Variants in NUDT1 observed in about 807,000 individuals in gnomAD.
NUDT1 encodes the protein nudix hydrolase 1.
NUDT1 carries 16 observed loss-of-function variants against 11.3 expected under a neutral mutation model. The observed-to-expected ratio is 1.41, with a 90% confidence interval of 0.96 to 2.15. NUDT1 has a LOEUF of 2.15. Among genes scored for constraint, NUDT1 ranks in the 30% most tolerant of loss-of-function variants. The pLI is 0.00. For missense variants in NUDT1, 234 were observed against 208.4 expected, an observed-to-expected ratio of 1.12 and a Z score of -0.76; for synonymous variants, 101 against 84.4, an observed-to-expected ratio of 1.20 and a Z score of -1.08.
In NUDT1 at chr7:2,249,895, T is replaced by C; in HGVS notation, c.191T>C (p.Leu64Pro). 2 of 1,614,108 alleles carry C rather than the reference T, an allele frequency of 1.2e-6. No individual in the cohort carries two copies. Among genetic ancestry groups the C allele is most frequent in the Non-Finnish European group, 1.7e-6 (2 of 1,180,016 alleles). ...QEESGLTVDA[L>P]HKVGQIVFEF... ...GAGAGCGGTCTGACAGTGGACGCCCTGCACAAGGTGGGCCAGATCGTGTTT... is the reference window on the plus strand; with the variant it reads ...GAGAGCGGTCTGACAGTGGACGCCCCGCACAAGGTGGGCCAGATCGTGTTT... Residue 64 changes from leucine to proline, a missense_variant, in exon 3 of 4, where the codon CTG becomes CCG. Coordinates refer to ENST00000356714, the MANE Select transcript of NUDT1 (RefSeq NM_002452.4).
rs1182295595 is a variant in NUDT1, at chr7:2,244,739, C to T, written c.152+13C>T. 1 of 1,601,390 alleles carries T rather than the reference C, an allele frequency of 6.2e-7. No individual in the cohort carries two copies. The highest frequency in any genetic ancestry group is 8.5e-7 in the Non-Finnish European group (1 of 1,175,084). ...ATGGGGCTAGGAGGTAAGGATGGGG[C>T]AGGTCTGGCCATAGAACCGGCTTTC... On this transcript the variant is annotated intron_variant, in intron 2 of 3. Coordinates refer to ENST00000356714, the MANE Select transcript of NUDT1 (RefSeq NM_002452.4).
intron 2 of NUDT1, among the ~76,000 whole-genome samples, chr7:2,247,277 G>A (rs1794805059): frequency 6.6e-6 from 1 of 152,146 alleles, no homozygotes; most frequent in South Asian, 2.1e-4. Context: ...ACCCCAAGAT[G>A]GGCCCTAACT....
Position 2,242,233 on chromosome 7 carries a change from A to T in NUDT1, c.-36A>T. 6.7e-7 allele frequency: 1 copy of T among 1,494,276 alleles called. No individual in the cohort carries two copies. Among genetic ancestry groups the T allele is most frequent in the Non-Finnish European group, 8.9e-7 (1 of 1,123,422 alleles). 92.6% of individuals were successfully genotyped at this position (1,494,276 alleles called of 1,614,324 possible). On this transcript the variant is annotated 5_prime_UTR_variant, in exon 1 of 4. Transcript: ENST00000356714. ...CTGGCCTCACTTCCGGTCAGAGGCC[A>T]CGCCCCCGGAAGCGGCGGTGCAGGT...
Position 2,251,108 on chromosome 7 carries a change from T to A in NUDT1, c.*107T>A. 8.8e-7 allele frequency: 1 copy of A among 1,134,738 alleles called. No homozygotes were observed. The allele number at this position is 1,134,738 out of a possible 1,614,324, so 70.3% of individuals were successfully genotyped here. ...CGCAGAGCCGGGTTTCATCTGGAAT[T>A]AACTGGATGGAAGGGAAAATAAAGC... On this transcript the variant is annotated 3_prime_UTR_variant, in exon 4 of 4. Transcript: ENST00000356714.
intron 2 of NUDT1, among the ~76,000 whole-genome samples, chr7:2,246,150 T>G (rs1246211504): frequency 6.6e-6 from 1 of 152,184 alleles, no homozygotes; most frequent in Admixed American, 6.5e-5. Context: ...CCCAGCCCTT[T>G]GTCTTTGATC....
chr7:2,247,361 C>T (rs938505391), intron 2 of NUDT1, among the ~76,000 whole-genome samples: 6 of 152,216 alleles, frequency 3.9e-5, no homozygotes, highest in Admixed American at 6.5e-5. Flanking sequence ...TAACCCCAGT[C>T]CAGAGGGCTG....
At chr7:2,248,635 T>A (rs1156642567) in intron 2 of NUDT1, among the ~76,000 whole-genome samples, 1 of 142,712 alleles carries the variant, frequency 7.0e-6, no homozygotes, top group Non-Finnish European at 1.5e-5. Context: ...CACTGCAGCC[T>A]CCAACTCCTG....
chr7:2,244,453 C>CCCCCCCCCCCCCCCCAGCCA, intron 1 of NUDT1, 110 bp from the exon 2 acceptor site: 1 of 578,618 alleles, frequency 1.7e-6, no homozygotes, highest in Non-Finnish European at 2.9e-6. Flanking sequence ...TTACAGCATA[C>CCCCCCCCCCCCCCCCAGCCA]CCCCCCGCCC....
At chr7:2,247,613 G>A (rs1218189200) in intron 2 of NUDT1, among the ~76,000 whole-genome samples, 1 of 152,194 alleles carries the variant, frequency 6.6e-6, no homozygotes, top group East Asian at 1.9e-4. Context: ...TTTGTTTCAT[G>A]TATTTCTCAC....
Position 2,244,550 on chromosome 7 carries a change from A to C in NUDT1, c.-12-13A>C. On this transcript the variant is annotated splice_polypyrimidine_tract_variant and intron_variant, in intron 1 of 3. Coordinates refer to ENST00000356714, the MANE Select transcript of NUDT1 (RefSeq NM_002452.4). ...ACGTCATGGCTGACTCTGCCCTCTC[A>C]CCTTCCTTTCAGAACCCAGGGACCA... The C allele has an allele frequency of 1.1e-5, 17 of 1,512,924 alleles. No homozygotes were observed. The East Asian group carries it at 1.6e-4, about 15-fold the overall frequency. 93.7% of individuals were successfully genotyped at this position (1,512,924 alleles called of 1,614,324 possible). A position where few individuals can be genotyped will look rare whatever the true frequency, so the allele number is the denominator to read the frequency against.
intron 3 of NUDT1, among the ~76,000 whole-genome samples, 169 bp from the exon 4 acceptor site, chr7:2,250,660 G>T (rs34750471): frequency 1.5e-5 from 2 of 132,550 alleles, no homozygotes; most frequent in African/African-American, 5.3e-5. Flanking sequence ...GGGTTTCACC[G>T]TGTTAGCCAG....
chr7:2,246,235 AG>A (rs1212694248), intron 2 of NUDT1, among the ~76,000 whole-genome samples: 2 of 152,196 alleles, frequency 1.3e-5, no homozygotes, highest in African/African-American at 4.8e-5. Context: ...GAGGAGGAAC[AG>A]GTCAGTCCCT....
intron 1 of NUDT1, chr7:2,242,726 T>C (rs955594558): frequency 4.4e-5 from 20 of 455,536 alleles, no homozygotes; most frequent in Admixed American, 1.8e-4. Context: ...CTCAAGCCTC[T>C]AGGGGAACAT....
chr7:2,249,511 C>T (rs1407012295), intron 2 of NUDT1: 9 of 385,178 alleles, frequency 2.3e-5, no homozygotes, highest in East Asian at 1.8e-4. Flanking sequence ...GTGCGGGTCT[C>T]GAGACGGTGG....
At position 2,250,765 on chromosome 7, in the gene NUDT1, A is replaced by G; in HGVS notation, c.299-64A>G. The G allele has an allele frequency of 4.4e-6, 7 of 1,604,902 alleles. No individual in the cohort carries two copies. The Admixed American group carries it at 1.0e-4, about 23-fold the overall frequency. Reference sequence around the variant, plus strand: ...GAGCCACCGCGCCCGGCCAAAAAAAACATGTTTTTTAAGCATGAAGTTTGG... The same window carrying G: ...GAGCCACCGCGCCCGGCCAAAAAAAGCATGTTTTTTAAGCATGAAGTTTGG... On this transcript the variant is annotated intron_variant, in intron 3 of 3. Transcript: ENST00000356714.
intron 2 of NUDT1, among the ~76,000 whole-genome samples, chr7:2,246,680 C>T (rs1020901663): frequency 2.0e-5 from 3 of 152,196 alleles, no homozygotes; most frequent in African/African-American, 7.2e-5. Context: ...AACAGAGGGA[C>T]CATCACTCCA....
intron 2 of NUDT1, chr7:2,249,497 C>T (rs925112568): frequency 1.3e-4 from 50 of 372,180 alleles, no homozygotes; most frequent in African/African-American, 9.4e-4. Flanking sequence ...CCCAACCCTG[C>T]CACGTGCGGG....
intron 2 of NUDT1, among the ~76,000 whole-genome samples, chr7:2,244,945 A>G (rs1459750414): frequency 6.6e-6 from 1 of 152,158 alleles, no homozygotes; most frequent in African/African-American, 2.4e-5. Context: ...AGGACTTAGA[A>G]CGGTGCGCGG....
chr7:2,247,018 G>T (rs1325473014), intron 2 of NUDT1, among the ~76,000 whole-genome samples: 1 of 152,080 alleles, frequency 6.6e-6, no homozygotes, highest in Non-Finnish European at 1.5e-5. Flanking sequence ...TGGTGCTTAG[G>T]GGTCCCAGGG....
Sources: allele counts gnomAD v4.1 joint callset (sites outside exome capture counted in the v4.1 genomes callset), GRCh38; gene constraint gnomAD v4.1.1; transcripts MANE v1.5; gene names NCBI Gene and HGNC (gene_info 2026-07-23, HGNC 2026-07-21).